ASAP1: variants seen among roughly 807,000 people sequenced by gnomAD.
ASAP1 encodes arf-GAP with SH3 domain, ANK repeat and PH domain-containing protein 1.
ASAP1 carries 43 observed loss-of-function variants against 145.2 expected under a neutral mutation model. The ratio of observed to expected loss-of-function variants is 0.30; its 90% CI spans 0.23 to 0.38. The LOEUF is 0.38. ASAP1 is among the 10% of genes least tolerant of loss of function. The pLI, the probability that ASAP1 is intolerant of heterozygous loss-of-function variation, is 1.00. For missense variants in ASAP1, 1,018 were observed against 1,355.3 expected (o/e 0.75, Z 3.91); for synonymous variants, 546 against 515.5 (o/e 1.06, Z -0.80).
At chr8:130,077,888 G>C (rs1444724767) in intron 26 of ASAP1, among the ~76,000 whole-genome samples, 1 of 152,076 alleles carries the variant, frequency 6.6e-6, no homozygotes, top group Non-Finnish European at 1.5e-5. Context: ...AAACATGAGA[G>C]GGCTTTGTTT....
intron 27 of ASAP1, among the ~76,000 whole-genome samples, chr8:130,075,198 C>A (rs1173529168): frequency 1.3e-5 from 2 of 152,132 alleles, no homozygotes; most frequent in African/African-American, 4.8e-5. Context: ...TCAAAACAGC[C>A]CGTTGGGCAG....
intron 27 of ASAP1, among the ~76,000 whole-genome samples, chr8:130,062,331 G>A (rs1346437506): frequency 6.6e-6 from 1 of 152,226 alleles, no homozygotes; most frequent in African/African-American, 2.4e-5. Context: ...ACCTCATGTT[G>A]TAAATGTCAC....
chr8:130,090,588 TCA>T (rs1034647468), intron 25 of ASAP1, among the ~76,000 whole-genome samples: 10 of 152,340 alleles, frequency 6.6e-5, no homozygotes, highest in Admixed American at 5.2e-4. Context: ...AGTCTGACAT[TCA>T]GTTTTCTGGC....
intron 15 of ASAP1, among the ~76,000 whole-genome samples, chr8:130,128,679 T>A (rs2097578855): frequency 6.6e-6 from 1 of 152,134 alleles, no homozygotes; most frequent in Non-Finnish European, 1.5e-5. Flanking sequence ...AGACTGCAGA[T>A]TTACTTATAT....
chr8:130,140,980 A>G (rs939015995), intron 13 of ASAP1, among the ~76,000 whole-genome samples: 3 of 152,246 alleles, frequency 2.0e-5, no homozygotes, highest in African/African-American at 7.2e-5. Context: ...TAACTTTCCA[A>G]AATTTCAAAG....
At chr8:130,348,937 A>G (rs575508568) in intron 3 of ASAP1, among the ~76,000 whole-genome samples, 6 of 152,116 alleles carry the variant, frequency 3.9e-5, no homozygotes, top group Non-Finnish European at 8.8e-5. Flanking sequence ...CCCCAGCAAG[A>G]ATCAGAAGGG....
chr8:130,183,863 C>A (rs756606243), intron 7 of ASAP1, among the ~76,000 whole-genome samples: 117 of 152,204 alleles, frequency 7.7e-4, no homozygotes, highest in Middle Eastern at 3.4e-3. Context: ...TAAAGAGAGT[C>A]AAACGCCATC....
chr8:130,330,323 C>T (rs1433531854), intron 3 of ASAP1, among the ~76,000 whole-genome samples: 4 of 152,260 alleles, frequency 2.6e-5, no homozygotes, highest in Non-Finnish European at 4.4e-5. Context: ...CCCATCTATT[C>T]CTCAGGTCCA....
intron 3 of ASAP1, among the ~76,000 whole-genome samples, chr8:130,282,582 ACTGAAAGGCCTTTCAGCT>A (rs368762313): frequency 3.4e-4 from 51 of 152,236 alleles, no homozygotes; most frequent in Admixed American, 5.9e-4. Context: ...CTTTTGGCAA[ACTGAAAGGCCTTTCAGCT>A]CTGGCATGTG....
intron 2 of ASAP1, chr8:130,387,022 G>GT (rs1565272313): frequency 6.6e-6 from 1 of 152,154 alleles, no homozygotes; most frequent in African/African-American, 2.4e-5. Flanking sequence ...GTTATCCCAC[G>GT]TTTTGTTCTT....
chr8:130,359,567 C>T (rs1488299816), intron 2 of ASAP1, among the ~76,000 whole-genome samples: 1 of 152,036 alleles, frequency 6.6e-6, no homozygotes, highest in Non-Finnish European at 1.5e-5. Flanking sequence ...GACACACACC[C>T]ACCGCGCCCT....
chr8:130,239,527 T>C (rs1818403882), intron 3 of ASAP1, among the ~76,000 whole-genome samples: 1 of 152,022 alleles, frequency 6.6e-6, no homozygotes, highest in Non-Finnish European at 1.5e-5. Context: ...TCTAATGATA[T>C]CCGCGATAGG....
chr8:130,283,583 G>GAAAAAAAAAAAAAAAAAAAAAA (rs745389921), intron 3 of ASAP1, among the ~76,000 whole-genome samples: 3 of 98,790 alleles, frequency 3.0e-5, no homozygotes, highest in African/African-American at 1.3e-4. Context: ...CTCCATCACA[G>GAAAAAAAAAAAAAAAAAAAAAA]AAAGAAAAAA....
At chr8:130,308,034 ATAGTCAATTTGCTTC>A (rs1823102044) in intron 3 of ASAP1, among the ~76,000 whole-genome samples, 1 of 152,250 alleles carries the variant, frequency 6.6e-6, no homozygotes, top group Non-Finnish European at 1.5e-5. Flanking sequence ...TTTAAAACCC[ATAGTCAATTTGCTTC>A]TAGCAAAACA....
chr8:130,090,183 C>T (rs144189753), intron 25 of ASAP1, among the ~76,000 whole-genome samples: 10 of 152,142 alleles, frequency 6.6e-5, no homozygotes, highest in African/African-American at 2.4e-4. Context: ...GATTTTCAAG[C>T]CAGAAAGCAG....
chr8:130,194,964 A>T (rs1815380987), intron 5 of ASAP1: 1 of 152,214 alleles, frequency 6.6e-6, no homozygotes, highest in Admixed American at 6.5e-5. Context: ...GACATAATAC[A>T]ATAACAGTAT....
intron 4 of ASAP1, 81 bp from the exon 5 acceptor site, chr8:130,214,782 G>T (rs1053280027): frequency 3.3e-6 from 4 of 1,201,884 alleles, no homozygotes; most frequent in South Asian, 1.6e-5. Context: ...CGATCACTAC[G>T]AATTCTCAAA....
At chr8:130,227,825 G>A (rs899539258) in intron 4 of ASAP1, among the ~76,000 whole-genome samples, 18 of 151,970 alleles carry the variant, frequency 1.2e-4, no homozygotes, top group African/African-American at 3.4e-4. Flanking sequence ...GTGTGTCGTC[G>A]TTCTGAGGCT....
intron 3 of ASAP1, among the ~76,000 whole-genome samples, chr8:130,251,239 G>A (rs920711893): frequency 1.1e-4 from 16 of 151,990 alleles, no homozygotes; most frequent in African/African-American, 3.6e-4. Flanking sequence ...CCAACATAGC[G>A]AAACCGCATT....
Sources: gnomAD v4.1 joint callset for allele counts (sites outside exome capture counted in the v4.1 genomes callset) on GRCh38, gnomAD v4.1.1 for gene constraint, MANE v1.5 for transcripts, NCBI Gene and HGNC (gene_info 2026-07-23, HGNC 2026-07-21) for gene names.